Variants in DPYD observed in about 807,000 individuals in gnomAD.
The protein encoded by DPYD is dihydropyrimidine dehydrogenase, also known as dihydropyrimidine dehydrogenase [NADP(+)].
A neutral mutation model predicts 116.2 loss-of-function variants in DPYD; 109 were observed. The ratio of observed to expected loss-of-function variants is 0.94; its 90% CI spans 0.80 to 1.10. DPYD has a LOEUF of 1.10. DPYD is among the 50% of genes least tolerant of loss of function. The pLI, the probability that DPYD is intolerant of heterozygous loss-of-function variation, is 0.00. For synonymous variants in DPYD, 440 were observed against 432.0 expected, an observed-to-expected ratio of 1.02 and a Z score of -0.23; for missense variants, 1,302 against 1,254.5, an observed-to-expected ratio of 1.04 and a Z score of -0.57.
chr1:97,227,331 C>CAAAAAAAAAAAAAAAAAAAAAA (rs60992225), intron 19 of DPYD, among the ~76,000 whole-genome samples: 20 of 26,378 alleles, frequency 7.6e-4, no homozygotes, highest in African/African-American at 1.1e-3. Context: ...GACTCTATCT[C>CAAAAAAAAAAAAAAAAAAAAAA]AAAAAAAAAA....
At chr1:97,758,627 T>C (rs1020964369) in intron 3 of DPYD, among the ~76,000 whole-genome samples, 1 of 152,166 alleles carries the variant, frequency 6.6e-6, no homozygotes, top group Non-Finnish European at 1.5e-5. Context: ...GATTAGGATA[T>C]AGAATGTTTC....
chr1:97,684,968 C>CAAGGG (rs1434933745), intron 7 of DPYD, among the ~76,000 whole-genome samples: 4 of 152,062 alleles, frequency 2.6e-5, no homozygotes, highest in African/African-American at 9.7e-5. Context: ...CAATTGAAAA[C>CAAGGG]AAGGGACTTC....
intron 3 of DPYD, among the ~76,000 whole-genome samples, chr1:97,822,009 T>A (rs1481261613): frequency 6.6e-6 from 1 of 151,844 alleles, no homozygotes; most frequent in Non-Finnish European, 1.5e-5. Flanking sequence ...TTCCAGTATT[T>A]ATTTCATATT....
chr1:97,748,439 T>C (rs2101090477), intron 3 of DPYD, among the ~76,000 whole-genome samples: 1 of 152,078 alleles, frequency 6.6e-6, no homozygotes, highest in South Asian at 2.1e-4. Context: ...AAACCCCATC[T>C]CTACTAAAAA....
intron 14 of DPYD, among the ~76,000 whole-genome samples, chr1:97,397,416 C>T (rs756551781): frequency 1.3e-5 from 2 of 152,052 alleles, no homozygotes; most frequent in South Asian, 2.1e-4. Flanking sequence ...TGCTGTTACA[C>T]ATTCTATGGG....
At chr1:97,469,442 A>AAAAAAAAAAAAAT (rs1365738895) in intron 13 of DPYD, among the ~76,000 whole-genome samples, 1 of 148,384 alleles carries the variant, frequency 6.7e-6, no homozygotes, top group Admixed American at 6.7e-5. Context: ...AAATAAATAA[A>AAAAAAAAAAAAAT]ATGCCAGTAT....
At chr1:97,398,051 A>C (rs890567906) in intron 14 of DPYD, among the ~76,000 whole-genome samples, 2 of 151,958 alleles carry the variant, frequency 1.3e-5, no homozygotes, top group Non-Finnish European at 2.9e-5. Flanking sequence ...CACCCATTAA[A>C]TCATCATTTA....
At chr1:97,274,675 G>A (rs991811067) in intron 18 of DPYD, among the ~76,000 whole-genome samples, 1 of 152,162 alleles carries the variant, frequency 6.6e-6, no homozygotes, top group African/African-American at 2.4e-5. Context: ...TGGTGCAAAT[G>A]TAACTGCAGT....
At chr1:97,264,773 T>C (rs1664124510) in intron 18 of DPYD, among the ~76,000 whole-genome samples, 1 of 149,568 alleles carries the variant, frequency 6.7e-6, no homozygotes, top group South Asian at 2.1e-4. Context: ...TATATTTAAA[T>C]TGGGACTCGA....
intron 20 of DPYD, among the ~76,000 whole-genome samples, chr1:97,114,889 T>C (rs538124441): frequency 6.6e-6 from 1 of 152,234 alleles, no homozygotes; most frequent in African/African-American, 2.4e-5. Flanking sequence ...CTAAGTAAAC[T>C]GTCTTCCACT....
intron 7 of DPYD, among the ~76,000 whole-genome samples, chr1:97,689,284 A>G (rs1015673396): frequency 1.3e-5 from 2 of 152,052 alleles, no homozygotes; most frequent in African/African-American, 4.8e-5. Flanking sequence ...GGGAGTGAAG[A>G]TAAAGAAACT....
intron 3 of DPYD, among the ~76,000 whole-genome samples, chr1:97,785,446 C>CA (rs922648755): frequency 1.3e-5 from 2 of 151,998 alleles, no homozygotes; most frequent in African/African-American, 4.8e-5. Flanking sequence ...TGGTATTTCA[C>CA]AAATGGAAGA....
At position 97,152,160 on chromosome 1, in the gene DPYD, A is replaced by G. The variant is rs149030645; in HGVS notation, c.2622+40909T>C. Among the ~76,000 whole-genome samples the G allele has an allele frequency of 2.0e-3, 310 of 152,304 alleles. 3 individuals carry two copies. Among genetic ancestry groups the G allele is most frequent in the African/African-American group, 6.7e-3 (279 of 41,576 alleles). On this transcript the variant is annotated intron_variant, in intron 20 of 22. Transcript: ENST00000370192. ...TCTCCTTCTGCTACCTTTGTAAAGC[A>G]TTTACTTCATAGGAAGCATTTCAAA...
At chr1:97,282,886 G>C (rs1046617953) in intron 18 of DPYD, among the ~76,000 whole-genome samples, 1 of 152,084 alleles carries the variant, frequency 6.6e-6, no homozygotes, top group Non-Finnish European at 1.5e-5. Flanking sequence ...TTGTTGCAAA[G>C]GCCATGATTT....
intron 13 of DPYD, among the ~76,000 whole-genome samples, chr1:97,486,587 T>C (rs1239983303): frequency 6.6e-6 from 1 of 152,170 alleles, no homozygotes; most frequent in Non-Finnish European, 1.5e-5. Context: ...GATAGATCAC[T>C]TTAATTTAGA....
chr1:97,425,327 C>T (rs369609674), intron 14 of DPYD, among the ~76,000 whole-genome samples: 3 of 151,914 alleles, frequency 2.0e-5, no homozygotes, highest in Admixed American at 6.6e-5. Context: ...TAGAATCTTT[C>T]GGTAGAAAAC....
chr1:97,139,692 A>G (rs912154305), intron 20 of DPYD, among the ~76,000 whole-genome samples: 1 of 152,210 alleles, frequency 6.6e-6, no homozygotes, highest in African/African-American at 2.4e-5. Flanking sequence ...ATAGGATGTC[A>G]TAAGATGTTT....
In DPYD at chr1:97,323,319, TATGTGTATATGTACACGTATATATAC is replaced by T. The variant is rs1668439835; in HGVS notation, c.2059-17048_2059-17023del. Among the ~76,000 whole-genome samples, 19 of 138,960 alleles carry T rather than the reference TATGTGTATATGTACACGTATATATAC, an allele frequency of 1.4e-4. 1 individual carries two copies. The highest frequency in any genetic ancestry group is 3.7e-4 in the Admixed American group (5 of 13,370). The allele number at this position is 138,960 out of a possible 152,430, so 91.2% of individuals were successfully genotyped here. A position where few individuals can be genotyped will look rare whatever the true frequency, so the allele number is the denominator to read the frequency against. On this transcript the variant is annotated intron_variant, in intron 16 of 22. Transcript: ENST00000370192. ...GTGTATATGTACACGTATATATACA[TATGTGTATATGTACACGTATATATAC>T]ATGTGTATATGTACACGTATGTATA...
intron 3 of DPYD, 90 bp downstream of exon 3, chr1:97,828,024 G>A (rs1669324963): frequency 8.3e-7 from 1 of 1,197,680 alleles, no homozygotes; most frequent in South Asian, 1.3e-5. Flanking sequence ...GAGCTGAATG[G>A]TGGCAATGAA....
Sources: allele counts gnomAD v4.1 joint callset (sites outside exome capture counted in the v4.1 genomes callset), GRCh38; gene constraint gnomAD v4.1.1; transcripts MANE v1.5; gene names NCBI Gene and HGNC (gene_info 2026-07-23, HGNC 2026-07-21).